HSDL2: variants seen among roughly 807,000 people sequenced by gnomAD.
The protein encoded by HSDL2 is hydroxysteroid dehydrogenase-like protein 2.
A neutral mutation model predicts 46.3 loss-of-function variants in HSDL2; 27 were observed. The ratio of observed to expected loss-of-function variants is 0.58; its 90% CI spans 0.43 to 0.80. The LOEUF is 0.80. Ranked by LOEUF, HSDL2 falls within the 30% of genes least tolerant of loss-of-function variation. HSDL2 has a pLI of 0.00. For synonymous variants in HSDL2, 153 were observed against 163.6 expected, an observed-to-expected ratio of 0.94 and a Z score of 0.50; for missense variants, 451 against 502.7, an observed-to-expected ratio of 0.90 and a Z score of 0.98.
At chr9:112,419,074 T>TTA in intron 6 of HSDL2, 116 bp downstream of exon 6, 34 of 499,906 alleles carry the variant, frequency 6.8e-5, no homozygotes, top group South Asian at 1.3e-4. Flanking sequence ...AGTGGTGTGA[T>TTA]CTTGGCTCAC....
At chr9:112,445,208 T>G (rs1160482288) in intron 8 of HSDL2, among the ~76,000 whole-genome samples, 1 of 152,088 alleles carries the variant, frequency 6.6e-6, no homozygotes, top group Non-Finnish European at 1.5e-5. Flanking sequence ...TTTTAATTGC[T>G]TCTGTTGCAG....
chr9:112,432,502 C>G (rs748586397), intron 6 of HSDL2, among the ~76,000 whole-genome samples: 2 of 152,160 alleles, frequency 1.3e-5, no homozygotes, highest in Non-Finnish European at 2.9e-5. Flanking sequence ...TACCTTCTGC[C>G]TAGCTCCAAA....
intron 8 of HSDL2, among the ~76,000 whole-genome samples, chr9:112,442,180 G>A (rs1488738619): frequency 6.7e-6 from 1 of 148,906 alleles, no homozygotes; most frequent in Non-Finnish European, 1.5e-5. Flanking sequence ...GAGGTGGGAG[G>A]ATCACCTGAT....
chr9:112,421,159 A>G (rs1448362921), intron 6 of HSDL2, among the ~76,000 whole-genome samples: 1 of 152,052 alleles, frequency 6.6e-6, no homozygotes, highest in South Asian at 2.1e-4. Context: ...GTGAGACCCC[A>G]TCTCTACAAA....
At position 112,392,973 on chromosome 9, in the gene HSDL2, C is replaced by T. The variant is rs181813212; in HGVS notation, c.18-11022C>T. 1.7e-3 allele frequency among the ~76,000 whole-genome samples: 260 copies of T among 152,268 alleles called. 1 individual carries two copies. Among genetic ancestry groups the T allele is most frequent in the African/African-American group, 6.1e-3 (255 of 41,554 alleles). On this transcript the variant is annotated intron_variant, in intron 1 of 10. Coordinates refer to ENST00000398805, the MANE Select transcript of HSDL2 (RefSeq NM_032303.5). ...CCAACTGTTCCCTCCATTGGGGGGT[C>T]CCAGACTTCCTGTAACATCTCTCCC...
intron 1 of HSDL2, among the ~76,000 whole-genome samples, chr9:112,393,328 A>G (rs970666117): frequency 3.3e-5 from 5 of 152,230 alleles, no homozygotes; most frequent in African/African-American, 1.2e-4. Context: ...ACCATTTCCC[A>G]TGACTCATCA....
chr9:112,391,502 A>G (rs772383582), intron 1 of HSDL2, among the ~76,000 whole-genome samples: 3 of 152,210 alleles, frequency 2.0e-5, no homozygotes, highest in Non-Finnish European at 4.4e-5. Flanking sequence ...ATCAAAAGAC[A>G]CTATAAAAAT....
chr9:112,459,265 T>C (rs1833131083), intron 9 of HSDL2, among the ~76,000 whole-genome samples, 184 bp from the exon 10 acceptor site: 1 of 152,180 alleles, frequency 6.6e-6, no homozygotes, highest in Non-Finnish European at 1.5e-5. Flanking sequence ...TATTGAAGAG[T>C]CTTCAGAGCC....
chr9:112,452,468 C>T (rs10117122), intron 8 of HSDL2, among the ~76,000 whole-genome samples: 145,579 of 152,320 alleles, frequency 0.96, 69,632 homozygotes, highest in African/African-American at 0.98. Flanking sequence ...ACAGAGAGGC[C>T]GGGCACGGTG....
At chr9:112,464,225 GACAC>G (rs756529908) in intron 10 of HSDL2, among the ~76,000 whole-genome samples, 168 of 4,850 alleles carry the variant, frequency 0.035, no homozygotes, top group African/African-American at 0.12. Flanking sequence ...CACACACACA[GACAC>G]ACACACACAC....
At chr9:112,430,162 G>T (rs1832354320) in intron 6 of HSDL2, among the ~76,000 whole-genome samples, 1 of 152,076 alleles carries the variant, frequency 6.6e-6, no homozygotes, top group Admixed American at 6.6e-5. Flanking sequence ...ACCAGGGAAG[G>T]TAGGTTTGGC....
chr9:112,384,237 G>A (rs939506892), intron 1 of HSDL2, among the ~76,000 whole-genome samples: 4 of 152,154 alleles, frequency 2.6e-5, no homozygotes, highest in Admixed American at 1.3e-4. Flanking sequence ...AAATTAAACT[G>A]TAAGTTAGCT....
At chr9:112,424,275 CGTGCCACTGCACTCCAG>C (rs992474720) in intron 6 of HSDL2, among the ~76,000 whole-genome samples, 4 of 148,678 alleles carry the variant, frequency 2.7e-5, no homozygotes, top group Non-Finnish European at 4.4e-5. Flanking sequence ...GAGCCGAGAT[CGTGCCACTGCACTCCAG>C]CCGGGGCGAC....
intron 8 of HSDL2, 21 bp downstream of exon 8, chr9:112,441,791 T>C: frequency 7.0e-7 from 1 of 1,430,058 alleles, no homozygotes; most frequent in East Asian, 2.3e-5. Context: ...GACTATATTT[T>C]ATGTTAGAAA....
intron 6 of HSDL2, among the ~76,000 whole-genome samples, chr9:112,432,736 G>GTGTGT (rs1472638547): frequency 6.6e-6 from 1 of 152,060 alleles, no homozygotes; most frequent in Non-Finnish European, 1.5e-5. Flanking sequence ...TGTTCCTTGT[G>GTGTGT]GTGCATGGTA....
chr9:112,386,420 A>ATGTATAACTGAATT (rs1222339539), intron 1 of HSDL2, among the ~76,000 whole-genome samples: 1 of 152,152 alleles, frequency 6.6e-6, no homozygotes, highest in Non-Finnish European at 1.5e-5. Flanking sequence ...AACCAAAATA[A>ATGTATAACTGAATT]TGTATAACTG....
intron 10 of HSDL2, among the ~76,000 whole-genome samples, chr9:112,468,286 T>C (rs554003089): frequency 6.6e-6 from 1 of 152,328 alleles, no homozygotes; most frequent in South Asian, 2.1e-4. Flanking sequence ...GAAAAGTTCT[T>C]ATATTATTTC....
intron 8 of HSDL2, 49 bp downstream of exon 8, chr9:112,441,819 T>C (rs767669400): frequency 9.1e-6 from 11 of 1,206,560 alleles, no homozygotes; most frequent in Admixed American, 7.3e-5. Flanking sequence ...TCCTAACTTA[T>C]GTATTTCTTC....
At chr9:112,459,411 C>T in intron 9 of HSDL2, 38 bp from the exon 10 acceptor site, 14 of 1,603,482 alleles carry the variant, frequency 8.7e-6, no homozygotes, top group Non-Finnish European at 1.2e-5. Context: ...AAGAACAGGG[C>T]TTCTATGACA....
Sources: allele counts gnomAD v4.1 joint callset (sites outside exome capture counted in the v4.1 genomes callset), GRCh38; gene constraint gnomAD v4.1.1; transcripts MANE v1.5; gene names NCBI Gene and HGNC (gene_info 2026-07-23, HGNC 2026-07-21).